PRELID2: variants seen among roughly 807,000 people sequenced by gnomAD.
PRELID2 encodes the protein PRELI domain containing 2.
PRELID2 carries 25 observed loss-of-function variants against 28.4 expected under a neutral mutation model. The observed-to-expected ratio is 0.88, with a 90% CI of 0.64 to 1.23. The LOEUF (loss-of-function observed/expected upper bound fraction) is 1.23, where lower values mean the gene tolerates loss of function less well. PRELID2 is among the 50% of genes most tolerant of loss of function. The pLI, the probability that PRELID2 is intolerant of heterozygous loss-of-function variation, is 0.00. For missense variants in PRELID2, 201 were observed against 214.4 expected, an observed-to-expected ratio of 0.94 and a Z score of 0.39; for synonymous variants, 76 against 71.6, an observed-to-expected ratio of 1.06 and a Z score of -0.31.
At chr5:145,242,646 G>T in the PRELID2 span, among the ~76,000 whole-genome samples, 838 of 152,142 alleles carry the variant, frequency 5.5e-3, 3 homozygotes, top group Non-Finnish European at 9.1e-3. Context: ...ATGTGTCTAT[G>T]AGAGAAAAAG....
chr5:145,447,036 C>T, the PRELID2 span, among the ~76,000 whole-genome samples: 6 of 105,006 alleles, frequency 5.7e-5, no homozygotes, highest in Admixed American at 1.0e-4. Context: ...GCAACAAGAG[C>T]GAAACTCCAT....
intron 1 of PRELID2, among the ~76,000 whole-genome samples, chr5:145,585,434 T>G (rs995246287): frequency 6.6e-6 from 1 of 152,104 alleles, no homozygotes; most frequent in Non-Finnish European, 1.5e-5. Context: ...CATGTACCCC[T>G]GAACTTAAAA....
At chr5:145,458,595 T>A in the PRELID2 span, among the ~76,000 whole-genome samples, 1 of 152,188 alleles carries the variant, frequency 6.6e-6, no homozygotes, top group East Asian at 1.9e-4. Flanking sequence ...GTAGAAACCA[T>A]GGATGCTGTA....
At chr5:145,734,687 T>C (rs1054458627) in intron 1 of PRELID2, among the ~76,000 whole-genome samples, 5 of 152,230 alleles carry the variant, frequency 3.3e-5, no homozygotes, top group Non-Finnish European at 7.3e-5. Flanking sequence ...TAACTTTTAT[T>C]TGAATCACTA....
At chr5:145,596,275 ATTAAGT>A (rs1198109885) in intron 1 of PRELID2, among the ~76,000 whole-genome samples, 1 of 152,090 alleles carries the variant, frequency 6.6e-6, no homozygotes, top group Admixed American at 6.6e-5. Flanking sequence ...CTCCTCTCCA[ATTAAGT>A]TTATCAGAAG....
At chr5:145,379,655 C>T in the PRELID2 span, among the ~76,000 whole-genome samples, 1 of 152,068 alleles carries the variant, frequency 6.6e-6, no homozygotes, top group African/African-American at 2.4e-5. Flanking sequence ...AGGGATGGAG[C>T]ACAGACATAC....
the PRELID2 span, among the ~76,000 whole-genome samples, chr5:145,440,400 A>G: frequency 9.0e-4 from 137 of 152,266 alleles, 1 homozygote; most frequent in African/African-American, 3.1e-3. Flanking sequence ...GTGGGACAGA[A>G]AAATTATAGT....
intron 1 of PRELID2, among the ~76,000 whole-genome samples, chr5:145,584,010 G>A (rs1361573082): frequency 2.6e-5 from 4 of 152,066 alleles, no homozygotes; most frequent in African/African-American, 9.7e-5. Flanking sequence ...AACAAAGCTG[G>A]AGGCATCACA....
At chr5:145,364,266 C>T in the PRELID2 span, among the ~76,000 whole-genome samples, 13 of 152,000 alleles carry the variant, frequency 8.6e-5, no homozygotes, top group South Asian at 1.7e-3. Flanking sequence ...TTTAAGTTTC[C>T]GGATTCTGAT....
chr5:145,754,871 G>T (rs1490541531), downstream of PRELID2, among the ~76,000 whole-genome samples: 1 of 152,164 alleles, frequency 6.6e-6, no homozygotes, highest in Non-Finnish European at 1.5e-5. Context: ...TGAAGAGGAT[G>T]GCAATTAGCA....
intron 1 of PRELID2, among the ~76,000 whole-genome samples, chr5:145,696,638 AT>A (rs1420207929): frequency 4.0e-5 from 6 of 151,656 alleles, no homozygotes; most frequent in Non-Finnish European, 8.8e-5. Flanking sequence ...ATTTTTTTGT[AT>A]TTTTTGTAGA....
At chr5:145,418,191 T>C in the PRELID2 span, among the ~76,000 whole-genome samples, 1 of 151,814 alleles carries the variant, frequency 6.6e-6, no homozygotes, top group Non-Finnish European at 1.5e-5. Flanking sequence ...GGAAAGTGAA[T>C]GACCATTTCC....
intron 5 of PRELID2, among the ~76,000 whole-genome samples, chr5:145,785,591 TTCAG>T (rs2149801402): frequency 6.6e-6 from 1 of 152,288 alleles, no homozygotes; most frequent in African/African-American, 2.4e-5. Context: ...CTCCAGAAAC[TTCAG>T]TCAGACACCA....
chr5:145,686,436 A>C (rs1050283687), intron 1 of PRELID2, among the ~76,000 whole-genome samples: 3 of 152,052 alleles, frequency 2.0e-5, no homozygotes, highest in Non-Finnish European at 4.4e-5. Flanking sequence ...CAGCCCCACC[A>C]TGCCCTTAGC....
chr5:145,753,040 C>T (rs1206341544), downstream of PRELID2, among the ~76,000 whole-genome samples: 5 of 152,192 alleles, frequency 3.3e-5, no homozygotes, highest in Non-Finnish European at 7.3e-5. Flanking sequence ...AAAACAAAAA[C>T]ATGCAACTGG....
At chr5:145,780,129 A>G (rs1471406261) in intron 5 of PRELID2, among the ~76,000 whole-genome samples, 4 of 152,214 alleles carry the variant, frequency 2.6e-5, no homozygotes, top group Non-Finnish European at 4.4e-5. Flanking sequence ...ACTGGCCAAC[A>G]TGGCAAAACC....
At chr5:145,251,849 A>T in the PRELID2 span, among the ~76,000 whole-genome samples, 4 of 151,980 alleles carry the variant, frequency 2.6e-5, no homozygotes, top group Non-Finnish European at 5.9e-5. Context: ...CTGCCTAGAC[A>T]GTCTAGCCAA....
intron 1 of PRELID2, among the ~76,000 whole-genome samples, chr5:145,562,713 A>G (rs1040995109): frequency 1.3e-5 from 2 of 152,246 alleles, no homozygotes; most frequent in African/African-American, 2.4e-5. Flanking sequence ...AGTACACACA[A>G]GTTTTATAAA....
At chr5:145,412,962 G>T in the PRELID2 span, among the ~76,000 whole-genome samples, 1 of 152,056 alleles carries the variant, frequency 6.6e-6, no homozygotes, top group Non-Finnish European at 1.5e-5. Context: ...ACTATCATGA[G>T]AACCGCATGG....
Sources: gnomAD v4.1 joint callset for allele counts (sites outside exome capture counted in the v4.1 genomes callset) on GRCh38, gnomAD v4.1.1 for gene constraint, MANE v1.5 for transcripts, NCBI Gene and HGNC (gene_info 2026-07-23, HGNC 2026-07-21) for gene names.